Variants in ACSM2B observed in about 807,000 individuals in gnomAD.
ACSM2B encodes acyl-coenzyme A synthetase ACSM2B, mitochondrial.
A neutral mutation model predicts 78.6 loss-of-function variants in ACSM2B; 58 were observed. That is an observed-to-expected ratio of 0.74 (90% CI 0.60 to 0.92). The LOEUF is 0.92. Ranked by LOEUF, ACSM2B falls within the 40% of genes least tolerant of loss-of-function variation. ACSM2B has a pLI of 0.00. For synonymous variants in ACSM2B, 257 were observed against 256.8 expected (o/e 1.00, Z -0.01); for missense variants, 688 against 711.2 (o/e 0.97, Z 0.37).
intron 3 of ACSM2B, among the ~76,000 whole-genome samples, chr16:20,556,567 A>C (rs35243287): frequency 6.6e-6 from 1 of 152,120 alleles, no homozygotes; most frequent in East Asian, 1.9e-4. Flanking sequence ...GCACCACTGC[A>C]CTCCAGCCTG....
rs564430064 is a variant in ACSM2B at position 20,540,458 on chromosome 16, G to A, written c.1629+196C>T. ...GGGTTTCACCATTTTGGCCAGGCTG[G>A]TCTTGAACTCCTGCCCTCAGGTGAT... On this transcript the variant is annotated intron_variant, in intron 13 of 13. Transcript: ENST00000329697. Among the ~76,000 whole-genome samples the A allele has an allele frequency of 5.9e-5, 9 of 152,178 alleles. No individual in the cohort carries two copies. The East Asian group carries it at 1.7e-3, about 29-fold the overall frequency.
intron 13 of ACSM2B, among the ~76,000 whole-genome samples, chr16:20,540,223 T>G (rs199861594): frequency 1.1e-4 from 6 of 52,938 alleles, no homozygotes; most frequent in East Asian, 3.3e-4. Flanking sequence ...GTTTTTTTTT[T>G]GTTTTTTTTT....
intron 1 of ACSM2B, among the ~76,000 whole-genome samples, chr16:20,565,626 G>C (rs1331804746): frequency 6.6e-6 from 1 of 152,092 alleles, no homozygotes; most frequent in Non-Finnish European, 1.5e-5. Flanking sequence ...TATCCATCTA[G>C]TGCACAGGAC....
chr16:20,553,398 T>C (rs1009235652), intron 5 of ACSM2B, among the ~76,000 whole-genome samples: 9 of 152,210 alleles, frequency 5.9e-5, no homozygotes, highest in Non-Finnish European at 1.3e-4. Context: ...TCAGTCAATT[T>C]GCAAAGTAAT....
At chr16:20,566,267 AT>A (rs2015834933) in intron 1 of ACSM2B, among the ~76,000 whole-genome samples, 1 of 131,956 alleles carries the variant, frequency 7.6e-6, no homozygotes, top group South Asian at 2.3e-4. Context: ...ATATATATAT[AT>A]ATATATATAT....
intron 2 of ACSM2B, among the ~76,000 whole-genome samples, chr16:20,559,780 T>C (rs1269665699): frequency 6.6e-6 from 1 of 150,954 alleles, no homozygotes; most frequent in Admixed American, 6.6e-5. Flanking sequence ...GAAAGTGGCA[T>C]TATTTTATTT....
At chr16:20,567,024 T>A (rs1171758487) in intron 1 of ACSM2B, among the ~76,000 whole-genome samples, 1 of 126,254 alleles carries the variant, frequency 7.9e-6, no homozygotes, top group African/African-American at 2.9e-5. Context: ...TATTGTTATA[T>A]CTATAAATTC....
At chr16:20,565,595 T>TA (rs1470457104) in intron 1 of ACSM2B, among the ~76,000 whole-genome samples, 1 of 152,158 alleles carries the variant, frequency 6.6e-6, no homozygotes, top group African/African-American at 2.4e-5. Context: ...TCTGGACTGA[T>TA]ACATCCTAAA....
intron 4 of ACSM2B, among the ~76,000 whole-genome samples, chr16:20,555,050 A>G (rs1215520500): frequency 1.3e-5 from 2 of 152,046 alleles, no homozygotes; most frequent in South Asian, 2.1e-4. Context: ...GAGGCATTCT[A>G]TGTGCTGCTC....
At position 20,561,469 on chromosome 16, in the gene ACSM2B, CT is replaced by C. The variant is rs992356403; in HGVS notation, c.178-2023del. ...GCCATGTATGTTAAAACAACAAGAT[CT>C]CTCATGAACTCACTCATAACGAAGG... On this transcript the variant is annotated intron_variant, in intron 2 of 13. Transcript: ENST00000329697. 5.3e-5 allele frequency among the ~76,000 whole-genome samples: 8 copies of C among 151,444 alleles called. 1 individual carries two copies. Among genetic ancestry groups the C allele is most frequent in the Non-Finnish European group, 1.0e-4 (7 of 67,872 alleles).
intron 12 of ACSM2B, 122 bp from the exon 13 acceptor site, chr16:20,540,895 A>T: frequency 7.0e-7 from 1 of 1,419,476 alleles, no homozygotes; most frequent in African/African-American, 1.4e-5. Flanking sequence ...ACCCCCGGTG[A>T]TCCAGGTCAA....
intron 1 of ACSM2B, 150 bp from the exon 2 acceptor site, chr16:20,565,003 T>G: frequency 8.6e-7 from 1 of 1,168,544 alleles, no homozygotes; most frequent in Non-Finnish European, 1.1e-6. Context: ...ACTCTGCATC[T>G]GTTTCAGTCT....
chr16:20,559,101 A>G (rs2015562162), intron 3 of ACSM2B, 136 bp downstream of exon 3: 8 of 1,438,314 alleles, frequency 5.6e-6, no homozygotes, highest in Non-Finnish European at 7.3e-6. Context: ...GGAAGCAGGG[A>G]GAAGTCTTTC....
rs76586360 is a variant in ACSM2B at position 20,552,683 on chromosome 16, T to C, written c.741-386A>G. The stretch of plus-strand genomic sequence containing the variant: ...TAACAGATGCCTTGCCAAGTTCAAG[T>C]TTGGCTGAATAGAACTTTGCTTCTC... On this transcript the variant is annotated intron_variant, in intron 5 of 13. Transcript: ENST00000329697. 5.4e-3 allele frequency among the ~76,000 whole-genome samples: 829 copies of C among 152,288 alleles called. 4 individuals carry two copies. Among genetic ancestry groups the C allele is most frequent in the African/African-American group, 0.019 (769 of 41,546 alleles).
At chr16:20,555,072 G>A (rs1394858497) in intron 4 of ACSM2B, among the ~76,000 whole-genome samples, 197 bp downstream of exon 4, 1 of 151,642 alleles carries the variant, frequency 6.6e-6, no homozygotes, top group Non-Finnish European at 1.5e-5. Flanking sequence ...GAAGGTCCAG[G>A]CAGATCAAGC....
chr16:20,552,859 G>A (rs551233587), intron 5 of ACSM2B, among the ~76,000 whole-genome samples: 5 of 152,242 alleles, frequency 3.3e-5, no homozygotes, highest in South Asian at 4.2e-4. Context: ...TCCTTGTGAC[G>A]GGAACTGCCA....
chr16:20,556,614 G>T (rs2015482324), intron 3 of ACSM2B, among the ~76,000 whole-genome samples: 1 of 152,086 alleles, frequency 6.6e-6, no homozygotes, highest in African/African-American at 2.4e-5. Flanking sequence ...AAAAATAAAA[G>T]AAAAAGAAAA....
chr16:20,555,358 T>A lies in ACSM2B; in HGVS notation c.507A>T (p.Thr169=). ...AGDEVIQEVD[T]VASECPSLRI... is the part of the protein sequence containing the mutation. ...TCAGAGAAGGACATTCAGATGCCAC[T>A]GTGTCCACTTCTTGGATGACTTCAT... Residue 169 remains threonine, a synonymous_variant, in exon 4 of 14, where the codon ACA becomes ACT. Coordinates refer to ENST00000329697, the MANE Select transcript of ACSM2B (RefSeq NM_001105069.2). The A allele has an allele frequency of 6.2e-7, 1 of 1,613,980 alleles. No individual in the cohort carries two copies. Among genetic ancestry groups the A allele is most frequent in the South Asian group, 1.1e-5 (1 of 91,078 alleles).
chr16:20,536,650 C>T lies in ACSM2B; in HGVS notation c.*608G>A, dbSNP rs1567202406. On this transcript the variant is annotated 3_prime_UTR_variant, in exon 14 of 14. Coordinates refer to ENST00000329697, the MANE Select transcript of ACSM2B (RefSeq NM_001105069.2). ...CAGTTTTATGCTTGACTTTGTCTAT[C>T]TGTGGGAATATTTATAGGTTTTCCT... is the stretch of plus-strand genomic sequence containing the variant. 1 of 152,146 alleles carries T rather than the reference C, an allele frequency of 6.6e-6. No homozygotes were observed. Among genetic ancestry groups the T allele is most frequent in the Non-Finnish European group, 1.5e-5 (1 of 68,042 alleles). 9.4% of individuals were successfully genotyped at this position (152,146 alleles called of 1,614,324 possible). A position where few individuals can be genotyped will look rare whatever the true frequency, so the allele number is the denominator to read the frequency against.
Sources: allele counts gnomAD v4.1 joint callset (sites outside exome capture counted in the v4.1 genomes callset), GRCh38; gene constraint gnomAD v4.1.1; transcripts MANE v1.5; gene names NCBI Gene and HGNC (gene_info 2026-07-23, HGNC 2026-07-21).